AMMECR1L: variants seen among roughly 807,000 people sequenced by gnomAD.
AMMECR1L encodes the protein AMMECR1 like.
In AMMECR1L, 4 loss-of-function variants were observed where a neutral mutation model predicts 36.8. The observed-to-expected ratio is 0.11, with a 90% CI of 0.05 to 0.25. The LOEUF (loss-of-function observed/expected upper bound fraction) is 0.25. Ranked by LOEUF, AMMECR1L falls within the 10% of genes least tolerant of loss-of-function variation. The pLI is 1.00. For synonymous variants in AMMECR1L, 147 were observed against 148.0 expected, an observed-to-expected ratio of 0.99 and a Z score of 0.05; for missense variants, 232 against 392.1, an observed-to-expected ratio of 0.59 and a Z score of 3.45.
intron 1 of AMMECR1L, chr2:127,885,384 G>C: frequency 1.0e-6 from 1 of 980,422 alleles, no homozygotes. Context: ...CGAGCCGCGG[G>C]GGTGGAATCC....
In AMMECR1L at chr2:127,873,237, T is replaced by C; in HGVS notation, c.407+591A>G. On this transcript the variant is annotated intron_variant, in intron 3 of 7. Coordinates refer to ENST00000272647, the MANE Select transcript of AMMECR1L (RefSeq NM_001199140.2). This position sits in a 1 kb window ranked among gnomAD's most constrained non-coding sequence, Gnocchi z 5.2. ...GGAATTCTTCAGTTTACTTTATACA[T>C]ATTGCTTATTTAAGTCACTGAGACC... 1 of 985,464 alleles carries C rather than the reference T, an allele frequency of 1.0e-6. No homozygotes were observed. Among genetic ancestry groups the C allele is most frequent in the Non-Finnish European group, 1.2e-6 (1 of 829,938 alleles). The allele number at this position is 985,464 out of a possible 1,614,324, so 61.0% of individuals were successfully genotyped here.
At chr2:127,867,134 C>G (rs1690722378) in intron 6 of AMMECR1L, 138 bp from the exon 7 acceptor site, 1 of 1,474,388 alleles carries the variant, frequency 6.8e-7, no homozygotes, top group African/African-American at 1.4e-5. Context: ...TGGGCACTGA[C>G]CCCCACGTAC....
Position 127,864,431 on chromosome 2 carries a change from T to C in AMMECR1L, c.*663A>G, listed in dbSNP as rs1217333883. ...CCAGAAAATCCAACTGAGAGTGGGA[T>C]GAGGATGAAAATCTTCACGGCCTAC... is the stretch of plus-strand genomic sequence containing the variant. On this transcript the variant is annotated 3_prime_UTR_variant, in exon 8 of 8. Transcript: ENST00000272647. 2 of 152,512 alleles carry C rather than the reference T, an allele frequency of 1.3e-5. No individual in the cohort carries two copies. Among genetic ancestry groups the C allele is most frequent in the African/African-American group, 2.4e-5 (1 of 41,404 alleles). The allele number at this position is 152,512 out of a possible 1,614,324, so 9.4% of individuals were successfully genotyped here. A position where few individuals can be genotyped will look rare whatever the true frequency, so the allele number is the denominator to read the frequency against.
rs561685367 is a variant in AMMECR1L, at chr2:127,872,120, C to CA, written c.408-762dup. Among the ~76,000 whole-genome samples, 275 of 149,750 alleles carry CA rather than the reference C, an allele frequency of 1.8e-3. 2 individuals are homozygous for CA. The highest frequency in any genetic ancestry group is 6.9e-3 in the Middle Eastern group (2 of 290). On this transcript the variant is annotated intron_variant, in intron 3 of 7. Coordinates refer to ENST00000272647, the MANE Select transcript of AMMECR1L (RefSeq NM_001199140.2). ...GGGAGAATCACTTGATCCTGAAAGG[C>CA]AGAGGTTGCAGTGAACCGAGATTGT...
rs527335942 is a variant in AMMECR1L at position 127,874,604 on chromosome 2, C to T, written c.-38-332G>A. On this transcript the variant is annotated intron_variant, in intron 2 of 7. Transcript: ENST00000272647. This position sits in a 1 kb window ranked among gnomAD's most constrained non-coding sequence, Gnocchi z 5.2. ...CATTTCCAGACTGCCTGGAGGGCTG[C>T]GCACGACCTGTCAGACTCATCATCA... Among the ~76,000 whole-genome samples the T allele has an allele frequency of 3.0e-4, 46 of 152,318 alleles. No individual in the cohort carries two copies. The highest frequency in any genetic ancestry group is 6.8e-3 in the Middle Eastern group (2 of 294).
rs1048228386 is a variant in AMMECR1L at position 127,879,939 on chromosome 2, C to A, written c.-39+4264G>T. 4.6e-5 allele frequency among the ~76,000 whole-genome samples: 7 copies of A among 152,202 alleles called. 1 individual carries two copies. Among genetic ancestry groups the A allele is most frequent in the Admixed American group, 1.3e-4 (2 of 15,282 alleles). ...AATCTGTGCCCGCCAAACTTCCCTG[C>A]CAAACTTTATAAAAACTACCAAGGA... On this transcript the variant is annotated intron_variant, in intron 2 of 7. Transcript: ENST00000272647.
intron 2 of AMMECR1L, among the ~76,000 whole-genome samples, chr2:127,881,314 G>A (rs1691490655): frequency 1.0e-5 from 1 of 99,200 alleles, no homozygotes; most frequent in African/African-American, 2.6e-5. Flanking sequence ...TACAAACCAG[G>A]TATTGAGACT....
intron 1 of AMMECR1L, chr2:127,884,953 C>A: frequency 5.8e-6 from 1 of 172,068 alleles, no homozygotes; most frequent in South Asian, 1.9e-4. Flanking sequence ...GCCCCACCCA[C>A]TCTATCCTAG....
In AMMECR1L at chr2:127,864,870, A is replaced by C; in HGVS notation, c.*224T>G. On this transcript the variant is annotated 3_prime_UTR_variant, in exon 8 of 8. Transcript: ENST00000272647. The stretch of plus-strand genomic sequence containing the variant: ...GAGCCCCAATCCAACGGAACCCCAT[A>C]TTGAGGAAAGGCTGAGATAAGGCTT... 2.7e-6 allele frequency: 1 copy of C among 367,970 alleles called. No homozygotes were observed. The highest frequency in any genetic ancestry group is 5.0e-6 in the Non-Finnish European group (1 of 200,880). 22.8% of individuals were successfully genotyped at this position (367,970 alleles called of 1,614,324 possible). A position where few individuals can be genotyped will look rare whatever the true frequency, so the allele number is the denominator to read the frequency against.
chr2:127,868,428 G>A (rs1690801588), intron 6 of AMMECR1L, among the ~76,000 whole-genome samples: 1 of 152,148 alleles, frequency 6.6e-6, no homozygotes, highest in African/African-American at 2.4e-5. Context: ...CACTGCTCTT[G>A]AAAAAGTTTA....
In AMMECR1L at chr2:127,874,898, G is replaced by A. The variant is rs544875065; in HGVS notation, c.-38-626C>T. On this transcript the variant is annotated intron_variant, in intron 2 of 7. Coordinates refer to ENST00000272647, the MANE Select transcript of AMMECR1L (RefSeq NM_001199140.2). This position sits in a 1 kb window ranked among gnomAD's most constrained non-coding sequence, Gnocchi z 5.2. ...TCCTCCAGCCCCCTCATTCTCTTTG[G>A]TTCCCCTCTGAACTCACTCCAATTT... 1.1e-4 allele frequency among the ~76,000 whole-genome samples: 16 copies of A among 152,170 alleles called. 1 individual carries two copies. The highest frequency in any genetic ancestry group is 3.9e-4 in the African/African-American group (16 of 41,522).
rs1204749585 is a variant in AMMECR1L at position 127,862,443 on chromosome 2, C to T, written c.*2651G>A. ...AGTTCCAGTTCGGAGCTATCCTCTC[C>T]CTATGCAAAGCTGCCACATGGATGA... On this transcript the variant is annotated 3_prime_UTR_variant, in exon 8 of 8. Coordinates refer to ENST00000272647, the MANE Select transcript of AMMECR1L (RefSeq NM_001199140.2). 1 of 153,752 alleles carries T rather than the reference C, an allele frequency of 6.5e-6. No individual in the cohort carries two copies. Among genetic ancestry groups the T allele is most frequent in the Non-Finnish European group, 1.5e-5 (1 of 68,096 alleles). The allele number at this position is 153,752 out of a possible 1,614,324, so 9.5% of individuals were successfully genotyped here. A position where few individuals can be genotyped will look rare whatever the true frequency, so the allele number is the denominator to read the frequency against.
At chr2:127,877,036 C>CATATATATAT (rs10568778) in intron 2 of AMMECR1L, among the ~76,000 whole-genome samples, 1 of 142,232 alleles carries the variant, frequency 7.0e-6, no homozygotes, top group Non-Finnish European at 1.5e-5. Flanking sequence ...TATATATATA[C>CATATATATAT]ATATATATAT....
chr2:127,872,954 C>A, intron 3 of AMMECR1L: 1 of 965,998 alleles, frequency 1.0e-6, no homozygotes, highest in Non-Finnish European at 1.2e-6. Flanking sequence ...GAACAACTTC[C>A]CCTTAGCTCT....
rs368940817 is a variant in AMMECR1L, at chr2:127,862,372, G to C, written c.*2722C>G. The C allele has an allele frequency of 2.0e-5, 3 of 153,760 alleles. No individual in the cohort carries two copies. Among genetic ancestry groups the C allele is most frequent in the Non-Finnish European group, 4.4e-5 (3 of 68,072 alleles). The allele number at this position is 153,760 out of a possible 1,614,324, so 9.5% of individuals were successfully genotyped here. A position where few individuals can be genotyped will look rare whatever the true frequency, so the allele number is the denominator to read the frequency against. Reference sequence around the variant, plus strand: ...CCTACCACGCACACCGCAGGTACTGGCCGCCCTCATCACTGCTTTGGTCAA... The same window carrying C: ...CCTACCACGCACACCGCAGGTACTGCCCGCCCTCATCACTGCTTTGGTCAA... On this transcript the variant is annotated 3_prime_UTR_variant, in exon 8 of 8. Coordinates refer to ENST00000272647, the MANE Select transcript of AMMECR1L (RefSeq NM_001199140.2).
In AMMECR1L at chr2:127,885,208, A is replaced by G. The variant is rs376706245; in HGVS notation, c.-149+602T>C. The G allele has an allele frequency of 3.7e-5, 36 of 984,960 alleles. 1 individual carries two copies. In the South Asian group the frequency reaches 7.1e-4, roughly 19 times the overall value. The allele number at this position is 984,960 out of a possible 1,614,324, so 61.0% of individuals were successfully genotyped here. On this transcript the variant is annotated intron_variant, in intron 1 of 7. Transcript: ENST00000272647. ...GCGAAAAAGAGAAGAGGAGGAGGAG[A>G]AAGTGCGCGTGTGAAGAGTGTTAAG...
In AMMECR1L at chr2:127,873,724, C is replaced by G; in HGVS notation, c.407+104G>C. ...CATTCTCTTCCCATTACCCTTTCCTCAAATGATAATAAAGACTTCCAAGTA... is the reference window on the plus strand; with the variant it reads ...CATTCTCTTCCCATTACCCTTTCCTGAAATGATAATAAAGACTTCCAAGTA... On this transcript the variant is annotated intron_variant, in intron 3 of 7. Coordinates refer to ENST00000272647, the MANE Select transcript of AMMECR1L (RefSeq NM_001199140.2). The surrounding 1 kb of genome is among the most constrained non-coding windows in gnomAD (Gnocchi z 5.2). 1 of 1,583,918 alleles carries G rather than the reference C, an allele frequency of 6.3e-7. No homozygotes were observed. Among genetic ancestry groups the G allele is most frequent in the Non-Finnish European group, 8.5e-7 (1 of 1,173,064 alleles).
chr2:127,882,010 T>C lies in AMMECR1L; in HGVS notation c.-39+2193A>G, dbSNP rs1018097458. The stretch of plus-strand genomic sequence containing the variant: ...GAGTCCTCATTTAAGCTTACAGACA[T>C]ACACTAAAATAGAGACTAAATTTGC... On this transcript the variant is annotated intron_variant, in intron 2 of 7. Coordinates refer to ENST00000272647, the MANE Select transcript of AMMECR1L (RefSeq NM_001199140.2). 2.6e-5 allele frequency among the ~76,000 whole-genome samples: 4 copies of C among 152,352 alleles called. 1 individual carries two copies. The highest frequency in any genetic ancestry group is 4.1e-4 in the South Asian group (2 of 4,834).
In AMMECR1L at chr2:127,871,111, C is replaced by T. The variant is rs1263369642; in HGVS notation, c.518+138G>A. ...TCTGTACTTGAACTGATAACTGACT[C>T]ACCAGATTAAGCCCCTTACATTTCC... On this transcript the variant is annotated intron_variant, in intron 4 of 7. Transcript: ENST00000272647. This position sits in a 1 kb window ranked among gnomAD's most constrained non-coding sequence, Gnocchi z 4.3. 2.0e-6 allele frequency: 2 copies of T among 1,015,814 alleles called. No individual in the cohort carries two copies. The highest frequency in any genetic ancestry group is 2.9e-6 in the Non-Finnish European group (2 of 694,066). The allele number at this position is 1,015,814 out of a possible 1,614,324, so 62.9% of individuals were successfully genotyped here.
Sources: gnomAD v4.1 joint callset for allele counts (sites outside exome capture counted in the v4.1 genomes callset) on GRCh38, gnomAD v4.1.1 for gene constraint, Gnocchi (gnomAD v3.1) non-coding constraint, MANE v1.5 for transcripts, NCBI Gene and HGNC (gene_info 2026-07-23, HGNC 2026-07-21) for gene names.